The following CNTLN variants were observed in gnomAD, a reference collection of about 807,000 sequenced individuals.
CNTLN encodes the protein centlein.
A neutral mutation model predicts 180.0 loss-of-function variants in CNTLN; 212 were observed. The ratio of observed to expected loss-of-function variants is 1.18; its 90% CI spans 1.05 to 1.32. The LOEUF (loss-of-function observed/expected upper bound fraction) is 1.32, where lower values mean the gene tolerates loss of function less well. Ranked by LOEUF, CNTLN falls within the 40% of genes most tolerant of loss-of-function variation. The pLI, the probability that CNTLN is intolerant of heterozygous loss-of-function variation, is 0.00. For synonymous variants in CNTLN, 722 were observed against 563.1 expected, an observed-to-expected ratio of 1.28 and a Z score of -3.99; for missense variants, 2,095 against 1,610.9, an observed-to-expected ratio of 1.30 and a Z score of -5.14.
Position 17,179,740 on chromosome 9 carries a change from A to G in CNTLN, c.449+36364A>G, listed in dbSNP as rs891385403. ...CTTTGATAATTCACTGGCTAGTTCT[A>G]TACATTGTTGAGAGAGGCATTTTGA... is the stretch of plus-strand genomic sequence containing the variant. On this transcript the variant is annotated intron_variant, in intron 2 of 25. Transcript: ENST00000380647. Among the ~76,000 whole-genome samples, 5 of 152,284 alleles carry G rather than the reference A, an allele frequency of 3.3e-5. No homozygotes were observed. The South Asian group carries it at 1.0e-3, about 32-fold the overall frequency.
At chr9:17,303,820 A>G (rs1194175799) in intron 7 of CNTLN, among the ~76,000 whole-genome samples, 1 of 152,142 alleles carries the variant, frequency 6.6e-6, no homozygotes, top group Non-Finnish European at 1.5e-5. Flanking sequence ...ACATAGATTC[A>G]TTTTAATATT....
At chr9:17,251,795 G>A (rs920354334) in intron 5 of CNTLN, among the ~76,000 whole-genome samples, 3 of 151,908 alleles carry the variant, frequency 2.0e-5, no homozygotes, top group Non-Finnish European at 3.0e-5. Flanking sequence ...TTGTTCCCAA[G>A]TATAGGAACC....
intron 6 of CNTLN, among the ~76,000 whole-genome samples, chr9:17,281,074 G>A (rs1004830139): frequency 6.6e-6 from 1 of 152,092 alleles, no homozygotes; most frequent in Non-Finnish European, 1.5e-5. Context: ...TCACAGAGAT[G>A]TCCTTACATC....
chr9:17,397,747 G>A (rs1404511110), intron 15 of CNTLN, among the ~76,000 whole-genome samples: 1 of 152,122 alleles, frequency 6.6e-6, no homozygotes, highest in Non-Finnish European at 1.5e-5. Context: ...ATTAGTGCAT[G>A]TGCACAAGGT....
chr9:17,379,155 CG>C (rs1564050295), intron 13 of CNTLN, among the ~76,000 whole-genome samples: 1 of 151,846 alleles, frequency 6.6e-6, no homozygotes, highest in African/African-American at 2.4e-5. Context: ...GTTAGTATAG[CG>C]TGCCCCACTT....
At chr9:17,315,309 T>C (rs1113381) in intron 8 of CNTLN, among the ~76,000 whole-genome samples, 127,922 of 151,762 alleles carry the variant, frequency 0.84, 54,100 homozygotes, top group Non-Finnish European at 0.87. Context: ...AGATGATATA[T>C]GTTGTTTTTT....
chr9:17,218,280 T>C (rs934922815), intron 2 of CNTLN, among the ~76,000 whole-genome samples: 1 of 152,180 alleles, frequency 6.6e-6, no homozygotes, highest in Non-Finnish European at 1.5e-5. Flanking sequence ...AAACATTTTA[T>C]ATCAAAGTTT....
intron 15 of CNTLN, among the ~76,000 whole-genome samples, chr9:17,400,730 C>A (rs773885085): frequency 5.3e-5 from 8 of 152,082 alleles, no homozygotes; most frequent in Non-Finnish European, 1.0e-4. Context: ...CTATCTGAAA[C>A]ACCCCTTACC....
intron 2 of CNTLN, among the ~76,000 whole-genome samples, chr9:17,193,614 C>A (rs554521564): frequency 9.2e-4 from 140 of 152,306 alleles, no homozygotes; most frequent in African/African-American, 3.2e-3. Flanking sequence ...TTTGCAGGGT[C>A]CAGCCTCCCT....
chr9:17,218,013 C>G (rs1823878509), intron 2 of CNTLN, among the ~76,000 whole-genome samples: 1 of 152,070 alleles, frequency 6.6e-6, no homozygotes, highest in Non-Finnish European at 1.5e-5. Context: ...TTCATCTGTA[C>G]TCCATAATTT....
chr9:17,371,255 A>G lies in CNTLN; in HGVS notation c.1987+4538A>G, dbSNP rs552216503. Among the ~76,000 whole-genome samples the G allele has an allele frequency of 4.6e-5, 7 of 152,320 alleles. 1 individual carries two copies. Among genetic ancestry groups the G allele is most frequent in the African/African-American group, 1.7e-4 (7 of 41,592 alleles). The stretch of plus-strand genomic sequence containing the variant: ...ACGCTTCATCTATAAAGAAACATAT[A>G]GACTGAAAATAAACAAATGGAAAAA... On this transcript the variant is annotated intron_variant, in intron 13 of 25. Transcript: ENST00000380647.
intron 5 of CNTLN, among the ~76,000 whole-genome samples, chr9:17,254,074 C>T (rs1280826219): frequency 6.6e-6 from 1 of 151,552 alleles, no homozygotes; most frequent in Admixed American, 6.6e-5. Context: ...TGATGTGTTA[C>T]ATTTGTTGAT....
chr9:17,415,169 A>G (rs1461988869), intron 16 of CNTLN, among the ~76,000 whole-genome samples: 1 of 152,200 alleles, frequency 6.6e-6, no homozygotes. Flanking sequence ...TTTGAAACCA[A>G]AAGTCAACAA....
intron 23 of CNTLN, among the ~76,000 whole-genome samples, chr9:17,483,723 A>G (rs1250504658): frequency 6.6e-6 from 1 of 152,058 alleles, no homozygotes; most frequent in East Asian, 1.9e-4. Flanking sequence ...TTTTTTAATG[A>G]TTTTTCTTCA....
chr9:17,135,496 T>A, intron 1 of CNTLN, 71 bp downstream of exon 1: 1 of 1,506,894 alleles, frequency 6.6e-7, no homozygotes. Flanking sequence ...GGCGCGCCTT[T>A]CTCCCTCTGC....
intron 23 of CNTLN, among the ~76,000 whole-genome samples, chr9:17,468,513 G>A (rs943205352): frequency 6.6e-6 from 1 of 151,540 alleles, no homozygotes; most frequent in African/African-American, 2.4e-5. Context: ...TGTTTGTGGA[G>A]CTTTTGGCTA....
At chr9:17,229,856 C>T (rs879811572) in intron 3 of CNTLN, among the ~76,000 whole-genome samples, 3 of 152,038 alleles carry the variant, frequency 2.0e-5, no homozygotes, top group Admixed American at 6.6e-5. Flanking sequence ...CTCCACTGTT[C>T]GCTGTGGTAT....
chr9:17,189,895 C>G (rs1175323669), intron 2 of CNTLN, among the ~76,000 whole-genome samples: 1 of 151,996 alleles, frequency 6.6e-6, no homozygotes, highest in Non-Finnish European at 1.5e-5. Context: ...TCCTCTCTTA[C>G]CTTTAGGAAT....
At chr9:17,397,340 A>G (rs1401169533) in intron 15 of CNTLN, among the ~76,000 whole-genome samples, 3 of 152,170 alleles carry the variant, frequency 2.0e-5, no homozygotes, top group African/African-American at 7.2e-5. Context: ...AGCAGTCCCC[A>G]GGGGCTGCGG....
Sources: gnomAD v4.1 joint callset for allele counts (sites outside exome capture counted in the v4.1 genomes callset) on GRCh38, gnomAD v4.1.1 for gene constraint, MANE v1.5 for transcripts, NCBI Gene and HGNC (gene_info 2026-07-23, HGNC 2026-07-21) for gene names.